PGGT1B: variants seen among roughly 807,000 people sequenced by gnomAD.
PGGT1B encodes geranylgeranyl transferase type-1 subunit beta.
Under a neutral mutation model 46.1 loss-of-function variants are expected in PGGT1B, and 30 were observed. The observed-to-expected ratio is 0.65, with a 90% CI of 0.49 to 0.88. The LOEUF is 0.88. Among genes scored for constraint, PGGT1B ranks in the 40% least tolerant of loss-of-function variants. PGGT1B has a pLI of 0.00. For synonymous variants in PGGT1B, 170 were observed against 160.0 expected (o/e 1.06, Z -0.47); for missense variants, 376 against 455.9 (o/e 0.82, Z 1.60).
intron 8 of PGGT1B, 76 bp from the exon 9 acceptor site, chr5:115,212,659 T>C: frequency 1.0e-6 from 1 of 968,560 alleles, no homozygotes; most frequent in East Asian, 2.6e-5. Context: ...AGCCACATAT[T>C]TACCAGCCCA....
intron 7 of PGGT1B, among the ~76,000 whole-genome samples, chr5:115,217,808 G>A (rs1358210693): frequency 6.6e-6 from 1 of 151,752 alleles, no homozygotes; most frequent in African/African-American, 2.4e-5. Context: ...TAAAATATAA[G>A]GAAAAAGACT....
At chr5:115,233,144 G>A (rs949351184) in intron 5 of PGGT1B, among the ~76,000 whole-genome samples, 3 of 151,936 alleles carry the variant, frequency 2.0e-5, no homozygotes, top group Non-Finnish European at 4.4e-5. Context: ...CTAAGTATAT[G>A]AAAATCTGCC....
chr5:115,250,179 C>G (rs1261422073), intron 2 of PGGT1B, among the ~76,000 whole-genome samples: 1 of 152,066 alleles, frequency 6.6e-6, no homozygotes, highest in Non-Finnish European at 1.5e-5. Flanking sequence ...TTTTGTTTAA[C>G]ATTTCTAGAT....
chr5:115,258,040 G>C (rs948625314), intron 1 of PGGT1B, among the ~76,000 whole-genome samples: 1 of 152,094 alleles, frequency 6.6e-6, no homozygotes, highest in Non-Finnish European at 1.5e-5. Context: ...ATACTTTTAA[G>C]TACAGTCACA....
At chr5:115,262,182 A>G (rs912687467) in intron 1 of PGGT1B, among the ~76,000 whole-genome samples, 1 of 152,190 alleles carries the variant, frequency 6.6e-6, no homozygotes, top group Non-Finnish European at 1.5e-5. Flanking sequence ...CTATTGCGAT[A>G]CTTTTAACAG....
chr5:115,235,503 G>A (rs150830053), intron 5 of PGGT1B, among the ~76,000 whole-genome samples: 239 of 152,132 alleles, frequency 1.6e-3, no homozygotes, highest in African/African-American at 5.4e-3. Context: ...AGAAAACTCT[G>A]GCATATGCCA....
intron 2 of PGGT1B, among the ~76,000 whole-genome samples, chr5:115,243,511 G>C (rs1484328029): frequency 6.6e-6 from 1 of 152,130 alleles, no homozygotes; most frequent in Non-Finnish European, 1.5e-5. Flanking sequence ...GACTGGAAGG[G>C]AATAAACAAA....
intron 6 of PGGT1B, among the ~76,000 whole-genome samples, chr5:115,226,350 C>T (rs937091784): frequency 1.3e-5 from 2 of 151,958 alleles, no homozygotes; most frequent in African/African-American, 4.8e-5. Flanking sequence ...ATTCCATAAC[C>T]CAAAACACTT....
At chr5:115,237,198 A>C (rs1470109058) in intron 4 of PGGT1B, among the ~76,000 whole-genome samples, 1 of 152,234 alleles carries the variant, frequency 6.6e-6, no homozygotes. Flanking sequence ...CATCAAGAGC[A>C]GTGTTTTGAA....
At chr5:115,225,810 T>G (rs886583127) in intron 6 of PGGT1B, among the ~76,000 whole-genome samples, 1 of 151,870 alleles carries the variant, frequency 6.6e-6, no homozygotes, top group African/African-American at 2.4e-5. Flanking sequence ...CACATTTGGC[T>G]AATTTTTTTT....
At chr5:115,234,691 A>C (rs1757117976) in intron 5 of PGGT1B, among the ~76,000 whole-genome samples, 1 of 152,046 alleles carries the variant, frequency 6.6e-6, no homozygotes, top group Non-Finnish European at 1.5e-5. Flanking sequence ...TCAAAACAAA[A>C]AGAACCAATG....
chr5:115,253,392 A>T (rs1334348319), intron 1 of PGGT1B, 137 bp from the exon 2 acceptor site: 2 of 594,234 alleles, frequency 3.4e-6, no homozygotes, highest in Admixed American at 3.8e-5. Context: ...AAAAGCAAAA[A>T]ATATATATAT....
intron 7 of PGGT1B, 26 bp from the exon 8 acceptor site, chr5:115,216,999 T>C: frequency 9.9e-7 from 1 of 1,005,802 alleles, no homozygotes; most frequent in East Asian, 2.4e-5. Context: ...AAATAAAAAT[T>C]TACTGACATA....
intron 3 of PGGT1B, among the ~76,000 whole-genome samples, chr5:115,240,160 G>A (rs1757305717): frequency 1.3e-5 from 2 of 152,094 alleles, no homozygotes; most frequent in Non-Finnish European, 2.9e-5. Context: ...GTGAGACCTA[G>A]CTTGCCCAGA....
chr5:115,222,177 A>G (rs890495546), intron 6 of PGGT1B, among the ~76,000 whole-genome samples, 169 bp from the exon 7 acceptor site: 6 of 152,218 alleles, frequency 3.9e-5, no homozygotes, highest in Admixed American at 3.9e-4. Flanking sequence ...AGTCTTCAAT[A>G]TTTGTTAAAA....
chr5:115,234,003 G>A (rs962221901), intron 5 of PGGT1B, among the ~76,000 whole-genome samples: 3 of 151,722 alleles, frequency 2.0e-5, no homozygotes, highest in African/African-American at 7.3e-5. Flanking sequence ...ATTAATTACA[G>A]CATTATTTGT....
chr5:115,254,293 T>C (rs940135801), intron 1 of PGGT1B, among the ~76,000 whole-genome samples: 8 of 151,812 alleles, frequency 5.3e-5, no homozygotes, highest in African/African-American at 1.9e-4. Flanking sequence ...GATTTCAGAT[T>C]TTTTTTTGAT....
At position 115,204,441 on chromosome 5, in the gene PGGT1B, C is replaced by T. The variant is rs1392067669; in HGVS notation, c.*7961G>A. On this transcript the variant is annotated 3_prime_UTR_variant, in exon 9 of 9. Transcript: ENST00000419445. ...GTGGAGAGACATTATTCTGATTTCACTCTCAAAGGCATACAGTTGGCATTA... is the reference window on the plus strand; with the variant it reads ...GTGGAGAGACATTATTCTGATTTCATTCTCAAAGGCATACAGTTGGCATTA... 1 of 152,166 alleles carries T rather than the reference C, an allele frequency of 6.6e-6. No homozygotes were observed. The highest frequency in any genetic ancestry group is 2.4e-5 in the African/African-American group (1 of 41,430). 9.4% of individuals were successfully genotyped at this position (152,166 alleles called of 1,614,324 possible). A position where few individuals can be genotyped will look rare whatever the true frequency, so the allele number is the denominator to read the frequency against.
chr5:115,222,207 A>G (rs544177657), intron 6 of PGGT1B, among the ~76,000 whole-genome samples, 199 bp from the exon 7 acceptor site: 15 of 152,330 alleles, frequency 9.8e-5, no homozygotes, highest in African/African-American at 3.4e-4. Context: ...TAAAGCTATA[A>G]GAAACATTTT....
Sources: gnomAD v4.1 joint callset for allele counts (sites outside exome capture counted in the v4.1 genomes callset) on GRCh38, gnomAD v4.1.1 for gene constraint, MANE v1.5 for transcripts, NCBI Gene and HGNC (gene_info 2026-07-23, HGNC 2026-07-21) for gene names.